CEP57: variants seen among roughly 807,000 people sequenced by gnomAD.
CEP57 encodes centrosomal protein 57, also known as centrosomal protein of 57 kDa.
In CEP57, 40 loss-of-function variants were observed where a neutral mutation model predicts 68.0. The observed-to-expected ratio is 0.59, with a 90% CI of 0.46 to 0.77. CEP57 has a LOEUF of 0.77. CEP57 is among the 30% of genes least tolerant of loss of function. The pLI is 0.00. For synonymous variants in CEP57, 219 were observed against 198.7 expected (o/e 1.10, Z -0.86); for missense variants, 606 against 580.7 (o/e 1.04, Z -0.45).
chr11:95,823,773 C>T (rs975649542), intron 8 of CEP57, among the ~76,000 whole-genome samples: 1 of 152,036 alleles, frequency 6.6e-6, no homozygotes, highest in Admixed American at 6.6e-5. Flanking sequence ...TGCCACGTGA[C>T]GCTAATCATC....
At chr11:95,794,167 A>G in intron 1 of CEP57, 3 of 433,546 alleles carry the variant, frequency 6.9e-6, no homozygotes, top group South Asian at 4.9e-5. Flanking sequence ...GTCCTGAGAG[A>G]AAAAGTTTGC....
chr11:95,806,442 C>T (rs1727151), intron 2 of CEP57, among the ~76,000 whole-genome samples: 8,441 of 152,234 alleles, frequency 0.055, 739 homozygotes, highest in African/African-American at 0.19. Context: ...ACCCGGGAAG[C>T]GCAAGGGGTT....
At chr11:95,808,420 G>A (rs1178303464) in intron 2 of CEP57, among the ~76,000 whole-genome samples, 3 of 152,122 alleles carry the variant, frequency 2.0e-5, no homozygotes, top group African/African-American at 7.2e-5. Context: ...GACACAGACT[G>A]GCAAATTGGA....
intron 2 of CEP57, among the ~76,000 whole-genome samples, chr11:95,801,697 A>G (rs991567543): frequency 2.6e-5 from 4 of 152,166 alleles, no homozygotes; most frequent in African/African-American, 9.7e-5. Flanking sequence ...AGAATAAGAA[A>G]TATTAAGAAG....
At chr11:95,803,321 A>C (rs533445850) in intron 2 of CEP57, among the ~76,000 whole-genome samples, 3 of 152,228 alleles carry the variant, frequency 2.0e-5, no homozygotes, top group Non-Finnish European at 2.9e-5. Context: ...AAAATTAAAA[A>C]GTCAAGTATA....
chr11:95,821,157 C>T (rs915712682), intron 6 of CEP57, among the ~76,000 whole-genome samples: 4 of 152,118 alleles, frequency 2.6e-5, no homozygotes, highest in Non-Finnish European at 4.4e-5. Context: ...AGTTTTGGTA[C>T]ATATAGGCAG....
chr11:95,821,648 G>A (rs1862521089), intron 6 of CEP57, among the ~76,000 whole-genome samples: 1 of 152,098 alleles, frequency 6.6e-6, no homozygotes. Context: ...CTGAAGAAGG[G>A]ACAAATTATA....
At chr11:95,799,998 A>G (rs1367356776) in intron 2 of CEP57, among the ~76,000 whole-genome samples, 2 of 152,104 alleles carry the variant, frequency 1.3e-5, no homozygotes, top group African/African-American at 2.4e-5. Flanking sequence ...TTTGAAATAC[A>G]TTTATTCCTG....
At chr11:95,811,528 A>G (rs1862060710) in intron 2 of CEP57, among the ~76,000 whole-genome samples, 1 of 151,812 alleles carries the variant, frequency 6.6e-6, no homozygotes. Context: ...ATGTATACAT[A>G]TGTAACAAAC....
At chr11:95,800,497 G>A (rs1013280067) in intron 2 of CEP57, among the ~76,000 whole-genome samples, 1 of 151,928 alleles carries the variant, frequency 6.6e-6, no homozygotes, top group African/African-American at 2.4e-5. Context: ...CTGGATTCAA[G>A]CTATTGCTAT....
rs188443824 is a variant in CEP57 at position 95,808,984 on chromosome 11, C to T, written c.203-3948C>T. On this transcript the variant is annotated intron_variant, in intron 2 of 10. Coordinates refer to ENST00000325542, the MANE Select transcript of CEP57 (RefSeq NM_014679.5). ...GCACTCCTCAGCAAATGTAAAAGAA[C>T]AAATTATAACAGACTGTCTCTCAGA... 9.2e-5 allele frequency among the ~76,000 whole-genome samples: 14 copies of T among 151,430 alleles called. No homozygotes were observed. The East Asian group carries it at 2.5e-3, about 27-fold the overall frequency.
At chr11:95,798,079 A>G (rs989864621) in intron 1 of CEP57, among the ~76,000 whole-genome samples, 9 of 152,224 alleles carry the variant, frequency 5.9e-5, no homozygotes, top group African/African-American at 2.2e-4. Context: ...GACAAATACT[A>G]GTCTTTGTTA....
At chr11:95,804,291 C>A (rs181187775) in intron 2 of CEP57, among the ~76,000 whole-genome samples, 14 of 152,060 alleles carry the variant, frequency 9.2e-5, no homozygotes, top group African/African-American at 3.4e-4. Flanking sequence ...ACAAATAATA[C>A]CTAGTTTAAA....
chr11:95,821,645 A>G (rs2135351125), intron 6 of CEP57, among the ~76,000 whole-genome samples: 1 of 152,234 alleles, frequency 6.6e-6, no homozygotes, highest in East Asian at 1.9e-4. Context: ...ACGCTGAAGA[A>G]GGGACAAATT....
chr11:95,804,262 C>A (rs1861699611), intron 2 of CEP57, among the ~76,000 whole-genome samples: 1 of 152,128 alleles, frequency 6.6e-6, no homozygotes, highest in Admixed American at 6.5e-5. Flanking sequence ...ATAGCAGCTT[C>A]ATGTAATACT....
chr11:95,800,883 TTGTG>T (rs1201650057), intron 2 of CEP57, among the ~76,000 whole-genome samples: 1 of 152,248 alleles, frequency 6.6e-6, no homozygotes, highest in Non-Finnish European at 1.5e-5. Context: ...ACCTCATACT[TTGTG>T]TGAAGTTTAA....
In CEP57 at chr11:95,790,675, G is replaced by C. The variant is rs1286653096; in HGVS notation, c.-24G>C. 1 of 1,612,968 alleles carries C rather than the reference G, an allele frequency of 6.2e-7. No homozygotes were observed. The highest frequency in any genetic ancestry group is 8.5e-7 in the Non-Finnish European group (1 of 1,179,644). ...GAACCTAGACCGCCCCCGAAGTGCG[G>C]AGACCCCCTGGGCAGGCTGAAAGAT... On this transcript the variant is annotated 5_prime_UTR_variant, in exon 1 of 11. Coordinates refer to ENST00000325542, the MANE Select transcript of CEP57 (RefSeq NM_014679.5).
intron 1 of CEP57, among the ~76,000 whole-genome samples, chr11:95,792,337 A>T (rs183752150): frequency 6.6e-6 from 1 of 152,340 alleles, no homozygotes. Flanking sequence ...ACTCTTACAA[A>T]TGTTGAATTG....
At position 95,831,220 on chromosome 11, in the gene CEP57, T is replaced by G; in HGVS notation, c.1467T>G (p.Asn489Lys). Residue 489 changes from asparagine to lysine, a missense_variant, in exon 11 of 11, where the codon AAT becomes AAG. Coordinates refer to ENST00000325542, the MANE Select transcript of CEP57 (RefSeq NM_014679.5). ...TGAAGGACATGCAAAGCATACAGAA[T>G]TCATTACAAAGCAGTAGTTTGTGTT... ...QLLKDMQSIQ[N>K]SLQSSSLCWD... The G allele has an allele frequency of 6.2e-7, 1 of 1,613,448 alleles. No individual in the cohort carries two copies. The highest frequency in any genetic ancestry group is 8.5e-7 in the Non-Finnish European group (1 of 1,179,532).
Sources: allele counts gnomAD v4.1 joint callset (sites outside exome capture counted in the v4.1 genomes callset), GRCh38; gene constraint gnomAD v4.1.1; transcripts MANE v1.5; gene names NCBI Gene and HGNC (gene_info 2026-07-23, HGNC 2026-07-21).